Variants in DEFB134 observed in about 807,000 individuals in gnomAD.
DEFB134 encodes beta-defensin 134.
DEFB134 carries 7 observed loss-of-function variants against 7.4 expected under a neutral mutation model. That is an observed-to-expected ratio of 0.95 (90% CI 0.54 to 1.79). The LOEUF (loss-of-function observed/expected upper bound fraction) is 1.79. DEFB134 is among the 40% of genes most tolerant of loss of function. The pLI is 0.00. For missense variants in DEFB134, 105 were observed against 74.8 expected, an observed-to-expected ratio of 1.40 and a Z score of -1.49; for synonymous variants, 33 against 25.0, an observed-to-expected ratio of 1.32 and a Z score of -0.96.
upstream of DEFB134, among the ~76,000 whole-genome samples, chr8:12,000,605 T>G (rs1000592066): frequency 2.0e-5 from 3 of 152,134 alleles, no homozygotes; most frequent in African/African-American, 7.2e-5. Flanking sequence ...AGTAAGATTT[T>G]AATAACAATA....
At chr8:11,994,242 T>C in intron 1 of DEFB134, 120 bp from the exon 3 acceptor site, 2 of 1,254,688 alleles carry the variant, frequency 1.6e-6, no homozygotes, top group Non-Finnish European at 2.2e-6. Flanking sequence ...TAATTGATCC[T>C]GTAACTGAAA....
upstream of DEFB134, among the ~76,000 whole-genome samples, chr8:11,998,696 G>A (rs1800189731): frequency 6.6e-6 from 1 of 151,998 alleles, no homozygotes; most frequent in Non-Finnish European, 1.5e-5. Context: ...CAAAATCAGA[G>A]CTGAACTGAA....
At chr8:11,994,249 G>A in intron 1 of DEFB134, 127 bp from the exon 3 acceptor site, 1 of 1,189,944 alleles carries the variant, frequency 8.4e-7, no homozygotes, top group Non-Finnish European at 1.2e-6. Context: ...TCCTGTAACT[G>A]AAAAAATTAA....
exon 2 of DEFB134, chr8:11,993,240 C>T (rs766528188): frequency 1.3e-5 from 2 of 152,190 alleles, no homozygotes; most frequent in Non-Finnish European, 2.9e-5. Context: ...AGCTCTTAAG[C>T]CACAGGATAA....
chr8:11,993,922 G>A (rs1221746484), exon 2 of DEFB134: 3 of 1,576,150 alleles, frequency 1.9e-6, no homozygotes, highest in South Asian at 2.4e-5. Flanking sequence ...CCCTGGTTTT[G>A]TGAAAGATGG....
rs376187451 is a variant in DEFB134 at position 11,996,225 on chromosome 8, G to C, written c.27C>G (p.Val9=). ...GCACTGGATCCCAAAGGAAAAGAAA[G>C]ACAAACACAACAAGGAGAGGCTTCA... is the stretch of plus-strand genomic sequence containing the variant. The change falls in exon 1 of 2, where the codon GTC becomes GTG. Residue 9 remains valine, a synonymous_variant. Coordinates refer to ENST00000526438, the Ensembl canonical transcript of DEFB134. 23 of 1,613,732 alleles carry C rather than the reference G, an allele frequency of 1.4e-5. No homozygotes were observed. In the Admixed American group the frequency reaches 1.7e-4, roughly 12 times the overall value.
chr8:11,999,723 T>G (rs1016724705), upstream of DEFB134, among the ~76,000 whole-genome samples: 1 of 152,204 alleles, frequency 6.6e-6, no homozygotes, highest in Non-Finnish European at 1.5e-5. Flanking sequence ...AGACCTCCCC[T>G]GGCTCAGCGT....
chr8:11,998,494 T>G (rs1169787324), upstream of DEFB134, among the ~76,000 whole-genome samples: 2 of 151,772 alleles, frequency 1.3e-5, no homozygotes, highest in Admixed American at 6.6e-5. Context: ...TCATTGAAAC[T>G]GATGAAAACA....
upstream of DEFB134, chr8:11,996,422 T>C (rs994464150): frequency 3.4e-5 from 18 of 526,922 alleles, 1 homozygote; most frequent in South Asian, 6.3e-4. Context: ...GTGTTGGCAA[T>C]GCTCATCTGA....
At chr8:11,997,680 A>C (rs1409784494), upstream of DEFB134, among the ~76,000 whole-genome samples, 1 of 152,218 alleles carries the variant, frequency 6.6e-6, no homozygotes. Context: ...ACAATCCTAA[A>C]TATATATGCA....
chr8:12,000,686 T>C (rs1160293777), upstream of DEFB134, among the ~76,000 whole-genome samples: 2 of 152,230 alleles, frequency 1.3e-5, no homozygotes, highest in East Asian at 3.8e-4. Context: ...ATGTGAACTC[T>C]GTCTCCCCCA....
intron 1 of DEFB134, among the ~76,000 whole-genome samples, chr8:11,995,485 G>A (rs1385538330): frequency 1.3e-5 from 2 of 152,164 alleles, no homozygotes; most frequent in Admixed American, 6.5e-5. Context: ...TGCTAAAGTC[G>A]GAAAGGATAT....
chr8:11,996,146 G>A (rs1026520980), intron 1 of DEFB134, 48 bp downstream of exon 2: 3 of 1,605,780 alleles, frequency 1.9e-6, no homozygotes, highest in Admixed American at 3.3e-5. Flanking sequence ...TAGTGGCATT[G>A]TTCTTCTATA....
chr8:11,995,339 A>C (rs569665006), intron 1 of DEFB134, among the ~76,000 whole-genome samples: 73 of 152,332 alleles, frequency 4.8e-4, no homozygotes, highest in African/African-American at 1.7e-3. Flanking sequence ...TAGCCTGGTG[A>C]GTCACATAAT....
intron 1 of DEFB134, among the ~76,000 whole-genome samples, chr8:11,995,848 A>T (rs548442353): frequency 4.6e-5 from 7 of 152,254 alleles, no homozygotes; most frequent in African/African-American, 1.7e-4. Flanking sequence ...CATATTATGT[A>T]TGGACATATT....
At position 11,993,724 on chromosome 8, in the gene DEFB134, GA is replaced by G. The variant is rs148670796; in HGVS notation, c.*255del. The G allele has an allele frequency of 4.6e-3, 1,659 of 364,098 alleles. 19 individuals are homozygous for G. Among genetic ancestry groups the G allele is most frequent in the African/African-American group, 0.031 (1,479 of 47,722 alleles). 22.6% of individuals were successfully genotyped at this position (364,098 alleles called of 1,614,324 possible). On this transcript the variant is annotated 3_prime_UTR_variant, in exon 2 of 2. Coordinates refer to ENST00000526438, the Ensembl canonical transcript of DEFB134. ...ATTAGAGGGAGAAACAGGTGCTGAT[GA>G]GCACACTGGACATCACGTTGAGGTG...
rs1432086724 is a variant in DEFB134, at chr8:11,996,294, A to G, written c.-43T>C. The G allele has an allele frequency of 6.2e-7, 1 of 1,607,752 alleles. No homozygotes were observed. Among genetic ancestry groups the G allele is most frequent in the African/African-American group, 1.3e-5 (1 of 74,746 alleles). On this transcript the variant is annotated 5_prime_UTR_variant, in exon 1 of 2. An upstream start codon of the reference 5' UTR is lost. Transcript: ENST00000526438. ...AAGGAGGCTAGTGGCAGGGTCTGAC[A>G]TCGGCTGTCAGGGAACAGAGAGAAG...
chr8:11,997,566 G>A (rs769272193), upstream of DEFB134, among the ~76,000 whole-genome samples: 1 of 152,172 alleles, frequency 6.6e-6, no homozygotes, highest in Non-Finnish European at 1.5e-5. Flanking sequence ...AACAGTGGTT[G>A]CTATTCTTAT....
upstream of DEFB134, among the ~76,000 whole-genome samples, chr8:11,999,660 C>T (rs1199426561): frequency 6.6e-6 from 1 of 152,164 alleles, no homozygotes; most frequent in African/African-American, 2.4e-5. Flanking sequence ...GAGTTTTGCT[C>T]TAAAAGGTAA....
Sources: allele counts gnomAD v4.1 joint callset (sites outside exome capture counted in the v4.1 genomes callset), GRCh38; gene constraint gnomAD v4.1.1; transcripts MANE v1.5; gene names NCBI Gene and HGNC (gene_info 2026-07-23, HGNC 2026-07-21).